The following RNF38 variants were observed in gnomAD, a reference collection of about 807,000 sequenced individuals.
The protein encoded by RNF38 is ring finger protein 38, also known as E3 ubiquitin-protein ligase RNF38.
In RNF38, 15 loss-of-function variants were observed where a neutral mutation model predicts 67.2. The ratio of observed to expected loss-of-function variants is 0.22; its 90% CI spans 0.15 to 0.34. The LOEUF is 0.34. RNF38 is among the 10% of genes least tolerant of loss of function. The pLI is 1.00. For missense variants in RNF38, 524 were observed against 639.9 expected (o/e 0.82, Z 1.95); for synonymous variants, 220 against 218.8 (o/e 1.01, Z -0.05).
Position 36,456,173 on chromosome 9 carries a change from C to T in RNF38, n.241+31135G>A, listed in dbSNP as rs184577817. ...CCTCCTGCCTCAGCAATTCTCCTTC[C>T]TCAGCCTTCCTAGTAGCTGAGATTA... On this transcript the variant is annotated intron_variant and non_coding_transcript_variant, in intron 1 of 3. Coordinates refer to the RNF38 transcript ENST00000488058. Among the ~76,000 whole-genome samples, 4 of 152,242 alleles carry T rather than the reference C, an allele frequency of 2.6e-5. No individual in the cohort carries two copies. The East Asian group carries it at 5.8e-4, about 22-fold the overall frequency.
At chr9:36,452,300 A>G (rs749207785) in intron 1 of RNF38, among the ~76,000 whole-genome samples, 10 of 152,156 alleles carry the variant, frequency 6.6e-5, no homozygotes, top group Non-Finnish European at 1.0e-4. Context: ...CACTAATTCT[A>G]GAACATTTTC....
At chr9:36,475,626 G>A (rs565827726) in intron 1 of RNF38, among the ~76,000 whole-genome samples, 30 of 151,712 alleles carry the variant, frequency 2.0e-4, no homozygotes, top group Admixed American at 1.8e-3. Flanking sequence ...CCAAAGTGCC[G>A]GGATTACAGG....
At chr9:36,401,327 A>C (rs1838023597), upstream of RNF38, 2 of 516,882 alleles carry the variant, frequency 3.9e-6, no homozygotes, top group South Asian at 9.0e-5. Context: ...TGCCCTGCGG[A>C]CCGCAGGGCC....
At position 36,363,089 on chromosome 9, in the gene RNF38, T is replaced by TGGATGGA. The variant is rs1834692259; in HGVS notation, c.571-5148_571-5147insTCCATCC. On this transcript the variant is annotated intron_variant, in intron 4 of 11. Transcript: ENST00000259605. Reference sequence around the variant, plus strand: ...CATCCATCCATCCATCCATCCATCCTTATCTACCTATGTATCTATCTATGA... The same window carrying TGGATGGA: ...CATCCATCCATCCATCCATCCATCCTGGATGGATATCTACCTATGTATCTATCTATGA... Among the ~76,000 whole-genome samples the TGGATGGA allele has an allele frequency of 2.0e-5, 2 of 99,518 alleles. 1 individual carries two copies. Among genetic ancestry groups the TGGATGGA allele is most frequent in the Admixed American group, 1.8e-4 (2 of 10,838 alleles). 65.3% of individuals were successfully genotyped at this position (99,518 alleles called of 152,430 possible). A position where few individuals can be genotyped will look rare whatever the true frequency, so the allele number is the denominator to read the frequency against.
chr9:36,378,510 C>T (rs967341504), intron 2 of RNF38, among the ~76,000 whole-genome samples: 7 of 151,980 alleles, frequency 4.6e-5, no homozygotes, highest in Non-Finnish European at 8.8e-5. Context: ...ATGCTAGTAA[C>T]GAATCATGAT....
intron 1 of RNF38, among the ~76,000 whole-genome samples, chr9:36,451,749 C>T (rs1250026410): frequency 2.0e-5 from 3 of 151,562 alleles, no homozygotes; most frequent in Admixed American, 6.6e-5. Context: ...ATCCGCCCAC[C>T]TCGGCCTCCC....
At chr9:36,416,742 ATTTTTTTTTTTTTTT>A (rs386414907) in intron 2 of RNF38, among the ~76,000 whole-genome samples, 4 of 63,470 alleles carry the variant, frequency 6.3e-5, no homozygotes, top group East Asian at 5.6e-4. Flanking sequence ...CTGCCTCGAT[ATTTTTTTTTTTTTTT>A]TTTTTTTTTT....
At chr9:36,359,467 ATCT>A (rs1308287198) in intron 4 of RNF38, among the ~76,000 whole-genome samples, 2 of 152,138 alleles carry the variant, frequency 1.3e-5, no homozygotes, top group Non-Finnish European at 2.9e-5. Flanking sequence ...TTATTAAACC[ATCT>A]TCTTGCCTCT....
chr9:36,395,050 A>G (rs1220455491), intron 1 of RNF38, among the ~76,000 whole-genome samples: 1 of 152,224 alleles, frequency 6.6e-6, no homozygotes, highest in African/African-American at 2.4e-5. Context: ...TAATCATATG[A>G]CTAATTCATT....
At chr9:36,396,983 T>TAC (rs1564040196) in intron 1 of RNF38, among the ~76,000 whole-genome samples, 1 of 145,976 alleles carries the variant, frequency 6.9e-6, no homozygotes, top group Non-Finnish European at 1.5e-5. Context: ...ATTCTCTCAC[T>TAC]ACACAACGGT....
intron 1 of RNF38, among the ~76,000 whole-genome samples, chr9:36,440,394 GGT>G (rs908729666): frequency 2.1e-4 from 32 of 152,266 alleles, no homozygotes; most frequent in African/African-American, 7.5e-4. Flanking sequence ...AACCGCGTGT[GGT>G]GGCAGGTGCC....
chr9:36,382,238 T>C (rs908003556), intron 2 of RNF38, among the ~76,000 whole-genome samples: 1 of 152,216 alleles, frequency 6.6e-6, no homozygotes, highest in Non-Finnish European at 1.5e-5. Flanking sequence ...TATTTAATAA[T>C]ATAGAACGTT....
chr9:36,382,964 T>C (rs1352066039), intron 2 of RNF38, among the ~76,000 whole-genome samples: 2 of 152,206 alleles, frequency 1.3e-5, no homozygotes, highest in Non-Finnish European at 2.9e-5. Context: ...TTATTCATTT[T>C]AAATAAATGT....
intron 1 of RNF38, among the ~76,000 whole-genome samples, chr9:36,429,223 A>G (rs1415940699): frequency 3.9e-5 from 6 of 152,364 alleles, no homozygotes; most frequent in East Asian, 3.9e-4. Flanking sequence ...TTATGATGAA[A>G]AAAGAATCCC....
chr9:36,479,928 T>C lies in RNF38; in HGVS notation n.241+7380A>G, dbSNP rs78583955. Among the ~76,000 whole-genome samples, 371 of 152,304 alleles carry C rather than the reference T, an allele frequency of 2.4e-3. 1 individual carries two copies. Among genetic ancestry groups the C allele is most frequent in the African/African-American group, 8.5e-3 (355 of 41,570 alleles). On this transcript the variant is annotated intron_variant and non_coding_transcript_variant, in intron 1 of 3. Coordinates refer to the RNF38 transcript ENST00000488058. ...CACCATGGGCAACATAGCAAGACCC[T>C]GTCTCTTTAAGTATGAGTTCCAACT... is the stretch of plus-strand genomic sequence containing the variant.
At chr9:36,412,706 G>A (rs374523790) in intron 2 of RNF38, among the ~76,000 whole-genome samples, 74 of 152,302 alleles carry the variant, frequency 4.9e-4, no homozygotes, top group Middle Eastern at 3.4e-3. Flanking sequence ...TTGGGATGCC[G>A]AGGTGGATCA....
Position 36,383,445 on chromosome 9 carries a change from C to T in RNF38, c.162+7022G>A, listed in dbSNP as rs189352212. Among the ~76,000 whole-genome samples, 4 of 152,290 alleles carry T rather than the reference C, an allele frequency of 2.6e-5. No homozygotes were observed. The East Asian group carries it at 7.7e-4, about 29-fold the overall frequency. ...GACCTCATGATCCGCCCACTTCAGC[C>T]TCCCAAAGTGCTGGGATTATAAGCA... On this transcript the variant is annotated intron_variant, in intron 2 of 11. Coordinates refer to ENST00000259605, the MANE Select transcript of RNF38 (RefSeq NM_022781.5).
chr9:36,397,758 A>G (rs1018024784), intron 1 of RNF38, among the ~76,000 whole-genome samples: 2 of 152,006 alleles, frequency 1.3e-5, no homozygotes, highest in Non-Finnish European at 2.9e-5. Context: ...TAGGAAAAAT[A>G]AGAGTTACAT....
intron 7 of RNF38, 64 bp downstream of exon 7, chr9:36,353,106 A>C: frequency 7.3e-7 from 1 of 1,367,316 alleles, no homozygotes; most frequent in South Asian, 1.2e-5. Context: ...TTATACTAAA[A>C]CATAACTCAG....
Sources: gnomAD v4.1 joint callset for allele counts (sites outside exome capture counted in the v4.1 genomes callset) on GRCh38, gnomAD v4.1.1 for gene constraint, MANE v1.5 for transcripts, NCBI Gene and HGNC (gene_info 2026-07-23, HGNC 2026-07-21) for gene names.